Variants in FRMD4A observed in about 807,000 individuals in gnomAD.
FRMD4A encodes FERM domain containing 4A.
FRMD4A carries 29 observed loss-of-function variants against 129.1 expected under a neutral mutation model. The ratio of observed to expected loss-of-function variants is 0.22; its 90% CI spans 0.17 to 0.31. The LOEUF is 0.31. FRMD4A is among the 10% of genes least tolerant of loss of function. FRMD4A has a pLI of 1.00. For synonymous variants in FRMD4A, 634 were observed against 571.6 expected, an observed-to-expected ratio of 1.11 and a Z score of -1.56; for missense variants, 1,272 against 1,375.8, an observed-to-expected ratio of 0.92 and a Z score of 1.19.
chr10:14,231,027 T>A (rs1334103698), intron 2 of FRMD4A, among the ~76,000 whole-genome samples: 4 of 152,226 alleles, frequency 2.6e-5, no homozygotes. Flanking sequence ...TTTATCCAGA[T>A]GGGCACTAAG....
At chr10:13,844,825 T>C (rs550965555) in intron 3 of FRMD4A, among the ~76,000 whole-genome samples, 138 of 152,296 alleles carry the variant, frequency 9.1e-4, no homozygotes, top group African/African-American at 2.7e-3. Context: ...CCTCTAAACA[T>C]GTGTCCCACC....
intron 2 of FRMD4A, among the ~76,000 whole-genome samples, chr10:14,014,231 G>A (rs2095690980): frequency 6.6e-6 from 1 of 152,042 alleles, no homozygotes; most frequent in Admixed American, 6.6e-5. Context: ...GAAGAGAAGA[G>A]GAGCAATAGG....
At chr10:13,663,889 T>C (rs561654711) in intron 18 of FRMD4A, among the ~76,000 whole-genome samples, 1 of 152,372 alleles carries the variant, frequency 6.6e-6, no homozygotes, top group African/African-American at 2.4e-5. Flanking sequence ...CGCAAACTGC[T>C]TTTGATTCTA....
chr10:14,039,856 A>G (rs1801460296), intron 2 of FRMD4A, among the ~76,000 whole-genome samples: 1 of 152,134 alleles, frequency 6.6e-6, no homozygotes, highest in Admixed American at 6.5e-5. Flanking sequence ...AGGCTGTGTC[A>G]CGGCCGTGCA....
chr10:13,682,374 T>C (rs1275074384), intron 15 of FRMD4A, among the ~76,000 whole-genome samples: 2 of 152,162 alleles, frequency 1.3e-5, no homozygotes, highest in Non-Finnish European at 1.5e-5. Context: ...GCCACATCAA[T>C]TCAGGAAGCT....
At chr10:14,051,406 G>A (rs1235335020) in intron 2 of FRMD4A, among the ~76,000 whole-genome samples, 3 of 152,174 alleles carry the variant, frequency 2.0e-5, no homozygotes, top group African/African-American at 4.8e-5. Flanking sequence ...CAGGTGTCCT[G>A]AAAATAATTC....
At chr10:14,149,805 C>T (rs904672936) in intron 2 of FRMD4A, among the ~76,000 whole-genome samples, 11 of 152,164 alleles carry the variant, frequency 7.2e-5, no homozygotes, top group Admixed American at 1.3e-4. Flanking sequence ...CTTCATGTCC[C>T]GAGGTGGCAC....
intron 2 of FRMD4A, among the ~76,000 whole-genome samples, chr10:13,890,008 C>T (rs2094675825): frequency 6.6e-6 from 1 of 152,210 alleles, no homozygotes; most frequent in African/African-American, 2.4e-5. Flanking sequence ...TAAACCCAAA[C>T]TTCCTTTGCA....
At chr10:13,731,939 G>T (rs889285066) in intron 12 of FRMD4A, among the ~76,000 whole-genome samples, 2 of 152,204 alleles carry the variant, frequency 1.3e-5, no homozygotes, top group South Asian at 2.1e-4. Context: ...AGTCTGCAGG[G>T]TGTCCCCACG....
chr10:13,823,267 G>A (rs368656801), intron 3 of FRMD4A, among the ~76,000 whole-genome samples: 52 of 152,286 alleles, frequency 3.4e-4, no homozygotes, highest in African/African-American at 1.2e-3. Flanking sequence ...CTGGGAGGCG[G>A]GCAGGTGTTC....
chr10:13,805,170 G>A (rs1477739150), intron 4 of FRMD4A, among the ~76,000 whole-genome samples: 1 of 151,672 alleles, frequency 6.6e-6, no homozygotes, highest in South Asian at 2.1e-4. Flanking sequence ...AAGAGATGGG[G>A]TCTTGCTCTG....
chr10:13,699,794 C>T (rs2086628540), intron 14 of FRMD4A, among the ~76,000 whole-genome samples: 1 of 152,192 alleles, frequency 6.6e-6, no homozygotes, highest in Admixed American at 6.5e-5. Flanking sequence ...TGACACCCAC[C>T]CACTGTGTCA....
At chr10:14,269,151 A>T (rs1358968213) in intron 2 of FRMD4A, among the ~76,000 whole-genome samples, 1 of 152,212 alleles carries the variant, frequency 6.6e-6, no homozygotes, top group Non-Finnish European at 1.5e-5. Flanking sequence ...TTCCTGGAGT[A>T]GTAAAGGCAA....
chr10:14,070,608 T>G (rs1251999200), intron 2 of FRMD4A, among the ~76,000 whole-genome samples: 1 of 152,220 alleles, frequency 6.6e-6, no homozygotes, highest in Non-Finnish European at 1.5e-5. Flanking sequence ...GGAACCCTCA[T>G]TCACCTTAGG....
chr10:13,681,578 GTA>G (rs376558569), intron 15 of FRMD4A, among the ~76,000 whole-genome samples: 1 of 151,218 alleles, frequency 6.6e-6, no homozygotes, highest in Non-Finnish European at 1.5e-5. Context: ...ATGTATATGT[GTA>G]TATATATATA....
intron 2 of FRMD4A, among the ~76,000 whole-genome samples, chr10:14,185,618 ATATATACTTCAT>A (rs1842094379): frequency 1.2e-5 from 1 of 80,628 alleles, no homozygotes; most frequent in South Asian, 3.3e-4. Context: ...CAGAAAGGGG[ATATATACTTCAT>A]GGTCAGAGAG....
chr10:14,082,238 C>T (rs1412324953), intron 2 of FRMD4A, among the ~76,000 whole-genome samples: 1 of 151,882 alleles, frequency 6.6e-6, no homozygotes, highest in African/African-American at 2.4e-5. Context: ...CAGAGCGAGA[C>T]TCCAGATAAA....
chr10:13,787,224 C>T (rs2092887310), intron 5 of FRMD4A, among the ~76,000 whole-genome samples: 1 of 152,196 alleles, frequency 6.6e-6, no homozygotes, highest in Admixed American at 6.5e-5. Context: ...CCTGGAAAAC[C>T]CCGTGAGCTC....
At chr10:13,830,443 C>T (rs2093772013) in intron 3 of FRMD4A, among the ~76,000 whole-genome samples, 1 of 152,230 alleles carries the variant, frequency 6.6e-6, no homozygotes, top group Non-Finnish European at 1.5e-5. Flanking sequence ...CAAAGCCAAA[C>T]TATAGACTCT....
Sources: allele counts gnomAD v4.1 joint callset (sites outside exome capture counted in the v4.1 genomes callset), GRCh38; gene constraint gnomAD v4.1.1; transcripts MANE v1.5; gene names NCBI Gene and HGNC (gene_info 2026-07-23, HGNC 2026-07-21).